GSG1L: variants seen among roughly 807,000 people sequenced by gnomAD.
GSG1L encodes the protein germ cell-specific gene 1-like protein.
Under a neutral mutation model 42.1 loss-of-function variants are expected in GSG1L, and 24 were observed. The observed-to-expected ratio is 0.57, with a 90% CI of 0.41 to 0.80. The LOEUF is 0.80. GSG1L is among the 30% of genes least tolerant of loss of function. The pLI is 0.00. For missense variants in GSG1L, 445 were observed against 472.2 expected, an observed-to-expected ratio of 0.94 and a Z score of 0.53; for synonymous variants, 215 against 203.5, an observed-to-expected ratio of 1.06 and a Z score of -0.48.
intron 1 of GSG1L, among the ~76,000 whole-genome samples, chr16:27,994,304 G>T (rs1020739268): frequency 6.6e-6 from 1 of 151,902 alleles, no homozygotes; most frequent in Non-Finnish European, 1.5e-5. Flanking sequence ...CCTTGGGGGG[G>T]TTCAGAATGG....
At chr16:28,023,939 A>C (rs2085873289) in intron 1 of GSG1L, among the ~76,000 whole-genome samples, 1 of 152,144 alleles carries the variant, frequency 6.6e-6, no homozygotes, top group Non-Finnish European at 1.5e-5. Flanking sequence ...CTGAGGTAGG[A>C]GGATCGCTTG....
chr16:28,061,234 T>C (rs1327517929), intron 1 of GSG1L, among the ~76,000 whole-genome samples: 1 of 152,210 alleles, frequency 6.6e-6, no homozygotes, highest in Non-Finnish European at 1.5e-5. Context: ...AACAAGGTGT[T>C]ACGAGGCCTC....
chr16:27,828,589 C>T (rs764293050), intron 5 of GSG1L, among the ~76,000 whole-genome samples, 200 bp downstream of exon 5: 20 of 152,244 alleles, frequency 1.3e-4, no homozygotes, highest in Non-Finnish European at 2.2e-4. Context: ...AAGGCAACCT[C>T]ATGACCTATA....
At chr16:27,801,160 G>T (rs907950201) in intron 6 of GSG1L, among the ~76,000 whole-genome samples, 1 of 152,176 alleles carries the variant, frequency 6.6e-6, no homozygotes, top group African/African-American at 2.4e-5. Context: ...GGAAGGTCAG[G>T]TTGGCTGGGG....
intron 5 of GSG1L, among the ~76,000 whole-genome samples, chr16:27,823,606 G>C (rs529943768): frequency 6.6e-6 from 1 of 152,138 alleles, no homozygotes; most frequent in Non-Finnish European, 1.5e-5. Flanking sequence ...CCACAGATAG[G>C]AAACGTGGGG....
intron 1 of GSG1L, among the ~76,000 whole-genome samples, chr16:28,051,473 G>C (rs1357589835): frequency 6.6e-6 from 1 of 150,622 alleles, no homozygotes; most frequent in Admixed American, 6.6e-5. Flanking sequence ...GGTAGATCGA[G>C]CAATTGGCAG....
Position 28,063,457 on chromosome 16 carries a change from C to A in GSG1L, c.-33G>T. 8.7e-7 allele frequency: 1 copy of A among 1,143,452 alleles called. No homozygotes were observed. The highest frequency in any genetic ancestry group is 1.1e-6 in the Non-Finnish European group (1 of 930,034). The allele number at this position is 1,143,452 out of a possible 1,614,324, so 70.8% of individuals were successfully genotyped here. On this transcript the variant is annotated 5_prime_UTR_variant, in exon 1 of 7. Transcript: ENST00000447459. The surrounding 1 kb of genome is among the most constrained non-coding windows in gnomAD (Gnocchi z 5.8). ...GCGCCGCCGGGACGGGACTGCACCG[C>A]CGGGGAGCTCCGCGCGCGAAGTTGG... is the stretch of plus-strand genomic sequence containing the variant.
At chr16:28,046,813 A>T (rs549792370) in intron 1 of GSG1L, among the ~76,000 whole-genome samples, 71 of 152,274 alleles carry the variant, frequency 4.7e-4, no homozygotes, top group Non-Finnish European at 8.8e-4. Flanking sequence ...TGCACGTGCC[A>T]TGTCCTCTGC....
At chr16:27,946,480 G>A (rs1382005759) in intron 2 of GSG1L, among the ~76,000 whole-genome samples, 1 of 151,278 alleles carries the variant, frequency 6.6e-6, no homozygotes, top group African/African-American at 2.4e-5. Flanking sequence ...AGGAGACAGA[G>A]GTTGCAGTGA....
chr16:27,969,195 T>C (rs2085165578), intron 1 of GSG1L, among the ~76,000 whole-genome samples: 1 of 152,246 alleles, frequency 6.6e-6, no homozygotes, highest in Non-Finnish European at 1.5e-5. Context: ...TTCACCAGGC[T>C]GTGTGACCAT....
intron 1 of GSG1L, among the ~76,000 whole-genome samples, chr16:28,056,422 G>C (rs1282617718): frequency 7.4e-6 from 1 of 135,004 alleles, no homozygotes; most frequent in Non-Finnish European, 1.5e-5. Context: ...ATTGAACAAT[G>C]AGAACACATG....
chr16:27,853,429 A>T (rs890105696), intron 3 of GSG1L, among the ~76,000 whole-genome samples: 6 of 152,040 alleles, frequency 3.9e-5, no homozygotes, highest in African/African-American at 1.4e-4. Context: ...ACATAACCTA[A>T]ATCTTTCCCG....
At chr16:27,890,108 G>T (rs368719520) in intron 2 of GSG1L, among the ~76,000 whole-genome samples, 2 of 152,296 alleles carry the variant, frequency 1.3e-5, no homozygotes, top group African/African-American at 4.8e-5. Flanking sequence ...CTGTTAGCAG[G>T]TTGTTGCCAC....
At position 27,912,112 on chromosome 16, in the gene GSG1L, C is replaced by T. The variant is rs7204651; in HGVS notation, c.398-27474G>A. On this transcript the variant is annotated intron_variant, in intron 2 of 6. Transcript: ENST00000447459. Reference sequence around the variant, plus strand: ...GTCAGGCTGGGGCTTGGTGAGTTCCCGCAACCCTACAAGGGTCTGACTCCT... The same window carrying T: ...GTCAGGCTGGGGCTTGGTGAGTTCCTGCAACCCTACAAGGGTCTGACTCCT... Among the ~76,000 whole-genome samples, 975 of 152,240 alleles carry T rather than the reference C, an allele frequency of 6.4e-3. 8 individuals carry two copies. The highest frequency in any genetic ancestry group is 0.022 in the African/African-American group (924 of 41,550).
At position 27,864,243 on chromosome 16, in the gene GSG1L, G is replaced by A. The variant is rs59076511; in HGVS notation, c.551-19182C>T. ...AGGAGATGGAATGTTTTGATTGGCC[G>A]GGCTTTGGGGCCACCTCTGCAGTGA... On this transcript the variant is annotated intron_variant, in intron 3 of 6. Coordinates refer to ENST00000447459, the MANE Select transcript of GSG1L (RefSeq NM_001109763.2). Among the ~76,000 whole-genome samples the A allele has an allele frequency of 1.8e-4, 27 of 152,322 alleles. No individual in the cohort carries two copies. The East Asian group carries it at 4.6e-3, about 26-fold the overall frequency.
intron 2 of GSG1L, among the ~76,000 whole-genome samples, chr16:27,910,920 G>A (rs1435294257): frequency 6.6e-6 from 1 of 152,186 alleles, no homozygotes; most frequent in Non-Finnish European, 1.5e-5. Context: ...GGCTGAGGCA[G>A]GAGGATTGCT....
chr16:28,013,536 G>T (rs1015018688), intron 1 of GSG1L, among the ~76,000 whole-genome samples: 1 of 152,162 alleles, frequency 6.6e-6, no homozygotes, highest in African/African-American at 2.4e-5. Context: ...AGACCCTGTT[G>T]CCCACCACTC....
At chr16:27,795,295 T>C (rs1420071592) in intron 6 of GSG1L, among the ~76,000 whole-genome samples, 1 of 151,956 alleles carries the variant, frequency 6.6e-6, no homozygotes, top group East Asian at 1.9e-4. Context: ...ATGAAAAGGG[T>C]TTTTGCTCAA....
At chr16:27,917,234 G>A (rs74015150) in intron 2 of GSG1L, among the ~76,000 whole-genome samples, 2,472 of 152,280 alleles carry the variant, frequency 0.016, 63 homozygotes, top group African/African-American at 0.056. Context: ...TTTGTGCAAG[G>A]TGATGTAACA....
Sources: allele counts gnomAD v4.1 joint callset (sites outside exome capture counted in the v4.1 genomes callset), GRCh38; gene constraint gnomAD v4.1.1; non-coding constraint Gnocchi (gnomAD v3.1); transcripts MANE v1.5; gene names NCBI Gene and HGNC (gene_info 2026-07-23, HGNC 2026-07-21).